The following EPB41L4A variants were observed in gnomAD, a reference collection of about 807,000 sequenced individuals.
EPB41L4A encodes the protein erythrocyte membrane protein band 4.1 like 4A.
Under a neutral mutation model 108.6 loss-of-function variants are expected in EPB41L4A, and 100 were observed. The observed-to-expected ratio is 0.92, with a 90% confidence interval of 0.78 to 1.09. The LOEUF (loss-of-function observed/expected upper bound fraction) is 1.09, where lower values mean the gene tolerates loss of function less well. EPB41L4A is among the 50% of genes least tolerant of loss of function. EPB41L4A has a pLI of 0.00. For missense variants in EPB41L4A, 1,030 were observed against 842.7 expected (o/e 1.22, Z -2.75); for synonymous variants, 319 against 289.0 (o/e 1.10, Z -1.05).
intron 13 of EPB41L4A, among the ~76,000 whole-genome samples, chr5:112,205,783 T>G (rs1337306743): frequency 6.6e-6 from 1 of 152,130 alleles, no homozygotes; most frequent in Non-Finnish European, 1.5e-5. Flanking sequence ...AGAGTCCACC[T>G]GCAGGAGAGG....
rs143095414 is a variant in EPB41L4A, at chr5:112,373,438, C to G, written c.99+45503G>C. ...TCTCCCTATAGCCCAACCTGAAATT[C>G]AACTCATTTTCACATAAATGACAAA... On this transcript the variant is annotated intron_variant, in intron 1 of 22. Transcript: ENST00000261486. Among the ~76,000 whole-genome samples the G allele has an allele frequency of 4.4e-4, 67 of 152,326 alleles. No individual in the cohort carries two copies. The East Asian group carries it at 0.013, about 29-fold the overall frequency.
chr5:112,408,390 T>A (rs1201242445), intron 1 of EPB41L4A, among the ~76,000 whole-genome samples: 2 of 152,102 alleles, frequency 1.3e-5, no homozygotes, highest in Non-Finnish European at 2.9e-5. Context: ...TGTGGGTATA[T>A]AAGGAACCCT....
In EPB41L4A at chr5:112,198,811, T is replaced by C. The variant is rs184229527; in HGVS notation, c.1377-3103A>G. 1.6e-3 allele frequency among the ~76,000 whole-genome samples: 250 copies of C among 152,256 alleles called. 1 individual carries two copies. Among genetic ancestry groups the C allele is most frequent in the Non-Finnish European group, 2.5e-3 (168 of 68,026 alleles). On this transcript the variant is annotated intron_variant, in intron 15 of 22. Coordinates refer to ENST00000261486, the MANE Select transcript of EPB41L4A (RefSeq NM_022140.5). ...TCTTATTTATTAGTTCTTACCTTTG[T>C]ATTGATAGAAATTCATGGTTATATT...
chr5:112,197,890 A>C (rs1762036976), intron 15 of EPB41L4A, among the ~76,000 whole-genome samples: 1 of 152,190 alleles, frequency 6.6e-6, no homozygotes, highest in Non-Finnish European at 1.5e-5. Context: ...TTTGGAACCC[A>C]AAATTTCTGA....
At chr5:112,413,060 T>A (rs1434897753) in intron 1 of EPB41L4A, among the ~76,000 whole-genome samples, 1 of 152,162 alleles carries the variant, frequency 6.6e-6, no homozygotes. Flanking sequence ...CCAACCAACA[T>A]GGTTCTCAGT....
At chr5:112,369,866 C>G (rs1157383898) in intron 1 of EPB41L4A, among the ~76,000 whole-genome samples, 2 of 152,230 alleles carry the variant, frequency 1.3e-5, no homozygotes, top group African/African-American at 4.8e-5. Flanking sequence ...TGCATTCACT[C>G]AGATGAGCAC....
intron 1 of EPB41L4A, among the ~76,000 whole-genome samples, chr5:112,375,730 T>C (rs927881164): frequency 1.3e-5 from 2 of 151,990 alleles, no homozygotes; most frequent in Admixed American, 1.3e-4. Flanking sequence ...GGGAAGTTTG[T>C]TTTGGTGGTG....
intron 1 of EPB41L4A, among the ~76,000 whole-genome samples, chr5:112,367,929 C>T (rs1205444117): frequency 6.6e-6 from 1 of 152,078 alleles, no homozygotes; most frequent in Non-Finnish European, 1.5e-5. Context: ...CTTTGCAGTG[C>T]TGTGGCAACG....
At chr5:112,261,510 C>T (rs1277419180) in intron 7 of EPB41L4A, among the ~76,000 whole-genome samples, 2 of 152,168 alleles carry the variant, frequency 1.3e-5, no homozygotes, top group Non-Finnish European at 2.9e-5. Context: ...ATCCACATTC[C>T]TCTTAATTCA....
At chr5:112,275,172 C>A in intron 4 of EPB41L4A, 154 bp downstream of exon 4, 3 of 911,974 alleles carry the variant, frequency 3.3e-6, no homozygotes, top group Non-Finnish European at 4.7e-6. Flanking sequence ...CAACTTCATG[C>A]AATGCTAGTT....
chr5:112,380,737 G>A (rs1760118271), intron 1 of EPB41L4A, among the ~76,000 whole-genome samples: 1 of 151,468 alleles, frequency 6.6e-6, no homozygotes, highest in Non-Finnish European at 1.5e-5. Context: ...ATTATATGAT[G>A]CTGTTATAAC....
intron 15 of EPB41L4A, among the ~76,000 whole-genome samples, chr5:112,200,382 T>A (rs7705102): frequency 1.3e-5 from 2 of 152,072 alleles, no homozygotes; most frequent in East Asian, 3.9e-4. Flanking sequence ...ATTACACTTA[T>A]GACACGTGTA....
rs1386970037 is a variant in EPB41L4A, at chr5:112,149,137, A to G, written n.995-3139T>C. Among the ~76,000 whole-genome samples the G allele has an allele frequency of 3.3e-5, 5 of 152,198 alleles. No homozygotes were observed. In the East Asian group the frequency reaches 9.6e-4, roughly 29 times the overall value. Reference sequence around the variant, plus strand: ...CTTATTATTTTAAACGAACTACTGAATATAATTTTGTCAGGTTCCCAAAGA... The same window carrying G: ...CTTATTATTTTAAACGAACTACTGAGTATAATTTTGTCAGGTTCCCAAAGA... On this transcript the variant is annotated intron_variant and non_coding_transcript_variant, in intron 12 of 13. Coordinates refer to the EPB41L4A transcript ENST00000507810.
In EPB41L4A at chr5:112,198,668, C is replaced by T. The variant is rs555305907; in HGVS notation, c.1377-2960G>A. Among the ~76,000 whole-genome samples, 7 of 151,902 alleles carry T rather than the reference C, an allele frequency of 4.6e-5. No individual in the cohort carries two copies. The East Asian group carries it at 1.4e-3, about 29-fold the overall frequency. On this transcript the variant is annotated intron_variant, in intron 15 of 22. Transcript: ENST00000261486. ...TTGATAATTTTATTATTCTTATTTCCATACATTTGTTTTATTGTGGGTTTT... is the reference window on the plus strand; with the variant it reads ...TTGATAATTTTATTATTCTTATTTCTATACATTTGTTTTATTGTGGGTTTT...
intron 1 of EPB41L4A, among the ~76,000 whole-genome samples, chr5:112,380,939 C>CCAGTATATGT (rs1760139250): frequency 6.6e-6 from 1 of 152,092 alleles, no homozygotes. Context: ...TGGTTGCAGG[C>CCAGTATATGT]CAGTATATGT....
chr5:112,404,767 G>T (rs998875806), intron 1 of EPB41L4A, among the ~76,000 whole-genome samples: 1 of 152,110 alleles, frequency 6.6e-6, no homozygotes, highest in East Asian at 1.9e-4. Flanking sequence ...ACCTCTTCAC[G>T]CCCTGCATCA....
chr5:112,282,978 T>C (rs912003703), intron 2 of EPB41L4A, among the ~76,000 whole-genome samples: 13 of 151,998 alleles, frequency 8.6e-5, no homozygotes, highest in African/African-American at 2.7e-4. Flanking sequence ...CTAAAGAAAA[T>C]AGGAAGAAAA....
downstream of EPB41L4A, chr5:112,160,968 G>C (rs1759854681): frequency 6.4e-6 from 1 of 156,270 alleles, no homozygotes; most frequent in Admixed American, 6.5e-5. Flanking sequence ...CGCCGGGCGG[G>C]GGAACGCGGC....
At chr5:112,217,534 C>T (rs545690789) in intron 12 of EPB41L4A, among the ~76,000 whole-genome samples, 3 of 151,998 alleles carry the variant, frequency 2.0e-5, no homozygotes, top group East Asian at 3.9e-4. Context: ...CCTATCTCTA[C>T]AAAAAAAGTT....
Sources: allele counts gnomAD v4.1 joint callset (sites outside exome capture counted in the v4.1 genomes callset), GRCh38; gene constraint gnomAD v4.1.1; transcripts MANE v1.5; gene names NCBI Gene and HGNC (gene_info 2026-07-23, HGNC 2026-07-21).